The following RBFOX1 variants were observed in gnomAD, a reference collection of about 807,000 sequenced individuals.
RBFOX1 encodes RNA binding protein fox-1 homolog 1.
A neutral mutation model predicts 57.7 loss-of-function variants in RBFOX1; 8 were observed. The ratio of observed to expected loss-of-function variants is 0.14; its 90% CI spans 0.08 to 0.25. The LOEUF (loss-of-function observed/expected upper bound fraction) is 0.25. RBFOX1 is among the 10% of genes least tolerant of loss of function. The pLI, the probability that RBFOX1 is intolerant of heterozygous loss-of-function variation, is 1.00. For synonymous variants in RBFOX1, 326 were observed against 222.4 expected, an observed-to-expected ratio of 1.47 and a Z score of -4.15; for missense variants, 611 against 548.5, an observed-to-expected ratio of 1.11 and a Z score of -1.14.
chr16:6,052,506 C>T (rs1006500887), intron 1 of RBFOX1, among the ~76,000 whole-genome samples: 3 of 151,976 alleles, frequency 2.0e-5, no homozygotes, highest in African/African-American at 4.8e-5. Context: ...ATGCCTAGGC[C>T]GGGCGCGGTG....
At chr16:6,905,357 T>C (rs917564253) in intron 3 of RBFOX1, among the ~76,000 whole-genome samples, 3 of 151,780 alleles carry the variant, frequency 2.0e-5, no homozygotes, top group Non-Finnish European at 4.4e-5. Context: ...AGTTCGAGAC[T>C]CCCAGGCCAA....
chr16:6,072,166 C>G (rs186929440), intron 1 of RBFOX1, among the ~76,000 whole-genome samples: 1 of 152,280 alleles, frequency 6.6e-6, no homozygotes, highest in African/African-American at 2.4e-5. Context: ...GGGAACTGCC[C>G]TTTATAACAT....
At chr16:7,648,334 C>T (rs762256065) in intron 11 of RBFOX1, among the ~76,000 whole-genome samples, 9 of 152,134 alleles carry the variant, frequency 5.9e-5, no homozygotes, top group Non-Finnish European at 1.0e-4. Context: ...AAGCGATTCT[C>T]CTGCCTCAGC....
chr16:6,845,749 C>A lies in RBFOX1; in HGVS notation c.-16+191099C>A, dbSNP rs2093721170. On this transcript the variant is annotated intron_variant, in intron 3 of 15. Coordinates refer to ENST00000550418, the MANE Select transcript of RBFOX1 (RefSeq NM_018723.4). Reference sequence around the variant, plus strand: ...ATGTACCTCCTTCCTGACCCCCATACACAACTCACACTGGTCTTTTATCAG... The same window carrying A: ...ATGTACCTCCTTCCTGACCCCCATAAACAACTCACACTGGTCTTTTATCAG... 3.9e-5 allele frequency among the ~76,000 whole-genome samples: 6 copies of A among 152,204 alleles called. 1 individual carries two copies. The South Asian group carries it at 1.2e-3, about 31-fold the overall frequency.
chr16:7,004,691 C>G (rs1047531366), intron 3 of RBFOX1, among the ~76,000 whole-genome samples: 1 of 152,126 alleles, frequency 6.6e-6, no homozygotes, highest in African/African-American at 2.4e-5. Flanking sequence ...ATACAAAAGC[C>G]ACATCATAAC....
chr16:7,323,024 C>A (rs555359677), intron 4 of RBFOX1, among the ~76,000 whole-genome samples: 8 of 152,272 alleles, frequency 5.3e-5, no homozygotes, highest in African/African-American at 1.9e-4. Context: ...CCTCTCTCTG[C>A]TCTTTGGATT....
intron 4 of RBFOX1, among the ~76,000 whole-genome samples, chr16:5,953,718 A>G (rs1462767719): frequency 1.4e-5 from 2 of 139,902 alleles, no homozygotes; most frequent in Non-Finnish European, 3.0e-5. Context: ...ATATATATAT[A>G]TATATATAAA....
At chr16:6,736,630 G>A (rs1048789920) in intron 3 of RBFOX1, among the ~76,000 whole-genome samples, 1 of 152,192 alleles carries the variant, frequency 6.6e-6, no homozygotes, top group South Asian at 2.1e-4. Context: ...GCATGTGCAA[G>A]TATCTTTTTC....
At chr16:7,149,955 C>G (rs1022452334) in intron 4 of RBFOX1, among the ~76,000 whole-genome samples, 3 of 152,138 alleles carry the variant, frequency 2.0e-5, no homozygotes, top group Admixed American at 6.5e-5. Flanking sequence ...CCATGTTTTT[C>G]TCATACTCAG....
intron 4 of RBFOX1, among the ~76,000 whole-genome samples, chr16:7,173,897 G>C (rs1255483970): frequency 2.6e-5 from 4 of 152,158 alleles, no homozygotes; most frequent in Non-Finnish European, 5.9e-5. Context: ...TGGTTTCTCT[G>C]ACAGTTGAGG....
At chr16:7,078,075 C>T (rs573194773) in intron 4 of RBFOX1, among the ~76,000 whole-genome samples, 4 of 152,212 alleles carry the variant, frequency 2.6e-5, no homozygotes, top group Non-Finnish European at 5.9e-5. Flanking sequence ...TTGCCTCTCT[C>T]TACCACTTGC....
chr16:6,395,427 A>G (rs2092785384), intron 2 of RBFOX1, among the ~76,000 whole-genome samples: 1 of 152,114 alleles, frequency 6.6e-6, no homozygotes, highest in East Asian at 1.9e-4. Context: ...TTCTTTTCAA[A>G]TGTTGTTTTA....
At chr16:6,881,177 A>C (rs1419043371) in intron 3 of RBFOX1, among the ~76,000 whole-genome samples, 2 of 152,112 alleles carry the variant, frequency 1.3e-5, no homozygotes, top group African/African-American at 4.8e-5. Context: ...AATGAAACCC[A>C]TTTGCTCTCC....
rs115966453 is a variant in RBFOX1 at position 6,706,356 on chromosome 16, G to C, written c.-16+51706G>C. ...AACTCAATTATTAATGTGCAAAACT[G>C]TTATGCAATGTAGCAGCCCAATTAA... On this transcript the variant is annotated intron_variant, in intron 3 of 15. Coordinates refer to ENST00000550418, the MANE Select transcript of RBFOX1 (RefSeq NM_018723.4). Among the ~76,000 whole-genome samples the C allele has an allele frequency of 9.1e-3, 1,393 of 152,288 alleles. 24 individuals are homozygous for C. Among genetic ancestry groups the C allele is most frequent in the African/African-American group, 0.032 (1,335 of 41,564 alleles).
intron 5 of RBFOX1, among the ~76,000 whole-genome samples, chr16:7,518,632 A>G (rs532736910): frequency 3.9e-5 from 6 of 152,236 alleles, no homozygotes; most frequent in African/African-American, 9.6e-5. Flanking sequence ...ACATTTATCA[A>G]TTTTCTATTC....
chr16:6,760,451 G>A (rs1244672399), intron 3 of RBFOX1, among the ~76,000 whole-genome samples: 1 of 152,164 alleles, frequency 6.6e-6, no homozygotes, highest in Non-Finnish European at 1.5e-5. Context: ...AGAAAGGCAT[G>A]TATTATTAAG....
chr16:6,844,138 C>CCTG (rs768386902), intron 3 of RBFOX1, among the ~76,000 whole-genome samples: 21 of 150,858 alleles, frequency 1.4e-4, no homozygotes, highest in Non-Finnish European at 2.4e-4. Flanking sequence ...TTCTCTCTCT[C>CCTG]CATCATTACC....
chr16:6,842,160 AAATAAAT>A (rs2093506355), intron 3 of RBFOX1, among the ~76,000 whole-genome samples: 1 of 90,250 alleles, frequency 1.1e-5, no homozygotes, highest in African/African-American at 4.5e-5. Context: ...AATAAAAAAT[AAATAAAT>A]AAATAAATAA....
chr16:7,172,502 A>G (rs999061828), intron 4 of RBFOX1, among the ~76,000 whole-genome samples: 2 of 152,206 alleles, frequency 1.3e-5, no homozygotes, highest in Non-Finnish European at 2.9e-5. Context: ...CAGCAAATCC[A>G]AAGTGCTACC....
Sources: gnomAD v4.1 joint callset for allele counts (sites outside exome capture counted in the v4.1 genomes callset) on GRCh38, gnomAD v4.1.1 for gene constraint, MANE v1.5 for transcripts, NCBI Gene and HGNC (gene_info 2026-07-23, HGNC 2026-07-21) for gene names.